The following CCSER1 variants were observed in gnomAD, a reference collection of about 807,000 sequenced individuals.
CCSER1 encodes the protein coiled-coil serine rich protein 1.
A neutral mutation model predicts 82.0 loss-of-function variants in CCSER1; 41 were observed. The observed-to-expected ratio is 0.50, with a 90% confidence interval of 0.39 to 0.65. CCSER1 has a LOEUF of 0.65. CCSER1 is among the 30% of genes least tolerant of loss of function. The pLI is 0.00. For missense variants in CCSER1, 1,119 were observed against 1,064.2 expected, an observed-to-expected ratio of 1.05 and a Z score of -0.72; for synonymous variants, 414 against 383.9, an observed-to-expected ratio of 1.08 and a Z score of -0.92.
chr4:90,971,341 AAAC>A (rs1735089457), intron 9 of CCSER1, among the ~76,000 whole-genome samples: 1 of 151,916 alleles, frequency 6.6e-6, no homozygotes, highest in African/African-American at 2.4e-5. Flanking sequence ...ACACACTTTT[AAAC>A]AACCAGATCT....
chr4:90,295,351 A>G (rs887631473), intron 1 of CCSER1, among the ~76,000 whole-genome samples: 1 of 152,078 alleles, frequency 6.6e-6, no homozygotes, highest in African/African-American at 2.4e-5. Flanking sequence ...TTAAGTTTTA[A>G]AAAGTTATAA....
chr4:91,463,689 G>C (rs960118987), intron 10 of CCSER1, among the ~76,000 whole-genome samples: 38 of 152,152 alleles, frequency 2.5e-4, no homozygotes, highest in African/African-American at 8.9e-4. Flanking sequence ...ACCATGGCAC[G>C]AGAGCTACGT....
intron 5 of CCSER1, among the ~76,000 whole-genome samples, chr4:90,592,848 T>C (rs937931642): frequency 2.0e-5 from 3 of 152,168 alleles, no homozygotes; most frequent in African/African-American, 7.2e-5. Context: ...GGTTTGAAGT[T>C]CAGACTTCAA....
intron 8 of CCSER1, among the ~76,000 whole-genome samples, chr4:90,841,410 C>G (rs1034896709): frequency 3.3e-5 from 5 of 151,618 alleles, no homozygotes; most frequent in African/African-American, 1.2e-4. Flanking sequence ...AACCCCGTCT[C>G]TACTAAAAAT....
At chr4:90,815,736 A>T (rs570104167) in intron 7 of CCSER1, 26 bp from the exon 8 acceptor site, 1 of 1,523,092 alleles carries the variant, frequency 6.6e-7, no homozygotes, top group African/African-American at 1.4e-5. Flanking sequence ...TAAGCCTATT[A>T]TGCTGTCTCT....
intron 1 of CCSER1, among the ~76,000 whole-genome samples, chr4:90,280,656 G>A (rs769647252): frequency 3.3e-5 from 5 of 151,976 alleles, no homozygotes; most frequent in Non-Finnish European, 7.4e-5. Flanking sequence ...TCTAACGTAG[G>A]TCTTTGATTA....
At chr4:91,137,613 T>C (rs1215904750) in intron 10 of CCSER1, among the ~76,000 whole-genome samples, 1 of 141,596 alleles carries the variant, frequency 7.1e-6, no homozygotes, top group Non-Finnish European at 1.5e-5. Context: ...GTTGAACTAG[T>C]TTACAGTCCC....
intron 7 of CCSER1, among the ~76,000 whole-genome samples, chr4:90,810,644 T>TCAA (rs34797230): frequency 0.05 from 6,454 of 128,484 alleles, 179 homozygotes; most frequent in East Asian, 0.097. Context: ...AGACTCCCTC[T>TCAA]CAACAACAAC....
At chr4:90,844,156 A>G (rs1320899359) in intron 8 of CCSER1, among the ~76,000 whole-genome samples, 2 of 145,738 alleles carry the variant, frequency 1.4e-5, no homozygotes, top group Admixed American at 1.4e-4. Flanking sequence ...TGTTGTGTAT[A>G]TATAGATAGA....
chr4:91,241,451 G>C (rs1335484161), intron 10 of CCSER1, among the ~76,000 whole-genome samples: 1 of 142,798 alleles, frequency 7.0e-6, no homozygotes, highest in Non-Finnish European at 1.5e-5. Context: ...TCAGCCTCCC[G>C]AGTAGCTGGG....
intron 10 of CCSER1, among the ~76,000 whole-genome samples, chr4:91,436,909 A>C (rs991482254): frequency 6.6e-6 from 1 of 152,318 alleles, no homozygotes; most frequent in South Asian, 2.1e-4. Flanking sequence ...AATTAAGATA[A>C]AGTTGTATGA....
At chr4:90,766,683 T>G (rs1206270924) in intron 7 of CCSER1, among the ~76,000 whole-genome samples, 3 of 152,142 alleles carry the variant, frequency 2.0e-5, no homozygotes, top group African/African-American at 7.2e-5. Flanking sequence ...TGTCATTATG[T>G]GATGCCATCT....
chr4:91,380,670 A>G (rs563273961), intron 10 of CCSER1, among the ~76,000 whole-genome samples: 3 of 152,152 alleles, frequency 2.0e-5, no homozygotes, highest in African/African-American at 7.2e-5. Flanking sequence ...TCCTGAATAC[A>G]GCACACTGAT....
intron 1 of CCSER1, among the ~76,000 whole-genome samples, chr4:90,184,369 C>A (rs1439919171): frequency 6.6e-6 from 1 of 152,020 alleles, no homozygotes; most frequent in Non-Finnish European, 1.5e-5. Context: ...TAAGTGACAC[C>A]AAAATGTTCG....
intron 10 of CCSER1, among the ~76,000 whole-genome samples, chr4:91,566,721 G>T (rs1452216623): frequency 6.6e-6 from 1 of 151,732 alleles, no homozygotes; most frequent in Non-Finnish European, 1.5e-5. Context: ...ATTTCTGTGG[G>T]GTCAGTTGTA....
chr4:91,155,655 C>T (rs1311313923), intron 10 of CCSER1, among the ~76,000 whole-genome samples: 2 of 151,898 alleles, frequency 1.3e-5, no homozygotes, highest in African/African-American at 4.8e-5. Context: ...CTCTCTTTTA[C>T]TTGCTATATC....
At chr4:90,597,229 A>G (rs1489877183) in intron 5 of CCSER1, among the ~76,000 whole-genome samples, 1 of 152,010 alleles carries the variant, frequency 6.6e-6, no homozygotes, top group Non-Finnish European at 1.5e-5. Flanking sequence ...AGGAAAATCA[A>G]AGATGAATGA....
At chr4:91,383,388 T>C (rs905997352) in intron 10 of CCSER1, among the ~76,000 whole-genome samples, 1 of 152,132 alleles carries the variant, frequency 6.6e-6, no homozygotes, top group African/African-American at 2.4e-5. Flanking sequence ...AGGTGAGAGT[T>C]AACAAATTAA....
chr4:90,839,023 G>A (rs1162961201), intron 8 of CCSER1: 1 of 1,612,310 alleles, frequency 6.2e-7, no homozygotes, highest in Non-Finnish European at 8.5e-7. Flanking sequence ...CAGCCATATC[G>A]GGTTTGTCAG....
Sources: gnomAD v4.1 joint callset for allele counts (sites outside exome capture counted in the v4.1 genomes callset) on GRCh38, gnomAD v4.1.1 for gene constraint, MANE v1.5 for transcripts, NCBI Gene and HGNC (gene_info 2026-07-23, HGNC 2026-07-21) for gene names.